IL1RAPL1: variants seen among roughly 807,000 people sequenced by gnomAD.
IL1RAPL1 encodes interleukin 1 receptor accessory protein like 1.
Under a neutral mutation model 48.4 loss-of-function variants are expected in IL1RAPL1, and 3 were observed. The observed-to-expected ratio is 0.06, with a 90% CI of 0.03 to 0.16. The LOEUF (loss-of-function observed/expected upper bound fraction) is 0.16. Among genes scored for constraint, IL1RAPL1 ranks in the 10% least tolerant of loss-of-function variants. The pLI is 1.00. For synonymous variants in IL1RAPL1, 185 were observed against 187.7 expected (o/e 0.99, Z 0.12); for missense variants, 349 against 530.6 (o/e 0.66, Z 3.36).
intron 2 of IL1RAPL1, among the ~76,000 whole-genome samples, chrX:28,811,671 G>A (rs1385800147): frequency 9.0e-6 from 1 of 110,669 alleles, no homozygotes; most frequent in Non-Finnish European, 1.9e-5. Context: ...TAAGCCTGGA[G>A]ATGAATACAA....
At chrX:29,657,642 T>C (rs777698236) in intron 5 of IL1RAPL1, among the ~76,000 whole-genome samples, 1 of 111,950 alleles carries the variant, frequency 8.9e-6, no homozygotes, top group African/African-American at 3.2e-5. Context: ...TGATAAGCAT[T>C]TCTAAATAAC....
chrX:29,174,919 A>C (rs1434174655), intron 2 of IL1RAPL1, among the ~76,000 whole-genome samples: 2 of 109,861 alleles, frequency 1.8e-5, no homozygotes, highest in Non-Finnish European at 3.8e-5. Flanking sequence ...CTAAAAATAC[A>C]AAAAATTAGC....
At chrX:29,332,956 G>C (rs1459597679) in intron 3 of IL1RAPL1, among the ~76,000 whole-genome samples, 1 of 110,442 alleles carries the variant, frequency 9.1e-6, no homozygotes, top group African/African-American at 3.3e-5. Context: ...GAGAGCACAG[G>C]GTTGGGGGTA....
rs185356974 is a variant in IL1RAPL1 at position 29,803,103 on chromosome X, A to G, written c.779-114361A>G. The stretch of plus-strand genomic sequence containing the variant: ...TATATGTGTATATGTATACATGTAT[A>G]CATATATGTATATATGTGTATACAT... On this transcript the variant is annotated intron_variant, in intron 6 of 10. Transcript: ENST00000378993. Among the ~76,000 whole-genome samples the G allele has an allele frequency of 3.8e-3, 343 of 90,129 alleles. 18 individuals carry two copies. Among genetic ancestry groups the G allele is most frequent in the African/African-American group, 0.01 (254 of 25,101 alleles). The allele number at this position is 90,129 out of a possible 115,157, so 78.3% of individuals were successfully genotyped here. A position where few individuals can be genotyped will look rare whatever the true frequency, so the allele number is the denominator to read the frequency against.
At chrX:29,684,893 G>A (rs1332414288) in intron 6 of IL1RAPL1, among the ~76,000 whole-genome samples, 3 of 112,265 alleles carry the variant, frequency 2.7e-5, no homozygotes, top group African/African-American at 9.7e-5. Flanking sequence ...AATAGACAAA[G>A]TGAAACTAAT....
At chrX:28,799,932 C>T (rs1936654538) in intron 2 of IL1RAPL1, among the ~76,000 whole-genome samples, 1 of 111,488 alleles carries the variant, frequency 9.0e-6, no homozygotes, top group South Asian at 3.8e-4. Flanking sequence ...AAGTATTGAG[C>T]TAATGGATTT....
chrX:29,608,517 A>T (rs374797560), intron 5 of IL1RAPL1, among the ~76,000 whole-genome samples: 1 of 111,385 alleles, frequency 9.0e-6, no homozygotes, highest in South Asian at 3.8e-4. Context: ...AAATAATCTC[A>T]AATCAGCTTC....
intron 2 of IL1RAPL1, among the ~76,000 whole-genome samples, chrX:29,080,584 C>A (rs896637854): frequency 6.4e-5 from 7 of 108,952 alleles, no homozygotes. Flanking sequence ...AGGATGGATT[C>A]TAATATAAAT....
In IL1RAPL1 at chrX:28,749,276, C is replaced by A. The variant is rs374243648; in HGVS notation, c.-24-40044C>A. ...ATTTCAGTTCCTTTGGATGTATATACCCAATAGTGGGATGACTGGATCCTA... is the reference window on the plus strand; with the variant it reads ...ATTTCAGTTCCTTTGGATGTATATAACCAATAGTGGGATGACTGGATCCTA... On this transcript the variant is annotated intron_variant, in intron 1 of 10. Transcript: ENST00000378993. Among the ~76,000 whole-genome samples the A allele has an allele frequency of 5.4e-5, 6 of 111,671 alleles. No individual in the cohort carries two copies. The East Asian group carries it at 1.7e-3, about 31-fold the overall frequency.
chrX:29,803,009 A>G (rs1399217925), intron 6 of IL1RAPL1, among the ~76,000 whole-genome samples: 2 of 39,213 alleles, frequency 5.1e-5, no homozygotes, highest in East Asian at 2.7e-3. Context: ...ATGCATATAT[A>G]CATATGTGTA....
chrX:29,711,535 A>G (rs756703722), intron 6 of IL1RAPL1, among the ~76,000 whole-genome samples: 4 of 111,339 alleles, frequency 3.6e-5, no homozygotes, highest in South Asian at 3.8e-4. Context: ...TTCTCTGTAT[A>G]TTTACAGATA....
chrX:29,347,363 G>A (rs1933164122), intron 3 of IL1RAPL1, among the ~76,000 whole-genome samples: 1 of 107,661 alleles, frequency 9.3e-6, no homozygotes, highest in Admixed American at 9.9e-5. Context: ...AACAGTATAT[G>A]GTGATTTTTT....
chrX:28,650,010 C>T (rs1194096844), intron 1 of IL1RAPL1, among the ~76,000 whole-genome samples: 1 of 111,404 alleles, frequency 9.0e-6, no homozygotes. Context: ...TTACTTGGCC[C>T]TCACGTGTAC....
intron 5 of IL1RAPL1, among the ~76,000 whole-genome samples, chrX:29,577,394 C>T: frequency 9.0e-6 from 1 of 111,619 alleles, no homozygotes; most frequent in Non-Finnish European, 1.9e-5. Context: ...ACTCCTCATC[C>T]TCATCCTGCC....
At chrX:29,294,736 A>G (rs957449472) in intron 3 of IL1RAPL1, among the ~76,000 whole-genome samples, 2 of 110,826 alleles carry the variant, frequency 1.8e-5, no homozygotes, top group Non-Finnish European at 3.8e-5. Context: ...CCTGATCTAG[A>G]AAATGCCTTG....
At chrX:29,313,259 G>A (rs1033786881) in intron 3 of IL1RAPL1, among the ~76,000 whole-genome samples, 1 of 80,577 alleles carries the variant, frequency 1.2e-5, no homozygotes, top group Non-Finnish European at 3.0e-5. Context: ...AAGCCTGTGT[G>A]TGTGTGTGTG....
intron 2 of IL1RAPL1, among the ~76,000 whole-genome samples, chrX:29,174,964 C>T: frequency 9.2e-6 from 1 of 108,240 alleles, no homozygotes; most frequent in South Asian, 4.1e-4. Flanking sequence ...GTCCCAGCTA[C>T]TTGGGAGGCT....
intron 2 of IL1RAPL1, among the ~76,000 whole-genome samples, chrX:28,953,309 C>A (rs1017459217): frequency 9.0e-6 from 1 of 110,984 alleles, no homozygotes; most frequent in African/African-American, 3.3e-5. Flanking sequence ...AATAGATTTC[C>A]CTGGGAGAAG....
In IL1RAPL1 at chrX:29,114,703, C is replaced by T. The variant is rs149895139; in HGVS notation, c.83-168235C>T. Among the ~76,000 whole-genome samples the T allele has an allele frequency of 2.6e-4, 29 of 110,851 alleles. No individual in the cohort carries two copies. The East Asian group carries it at 5.7e-3, about 22-fold the overall frequency. Reference sequence around the variant, plus strand: ...AGTGCAGTGGTGTGATCTCTGGGCTCACTGCAACCTCTGCCTTCTGATTTC... The same window carrying T: ...AGTGCAGTGGTGTGATCTCTGGGCTTACTGCAACCTCTGCCTTCTGATTTC... On this transcript the variant is annotated intron_variant, in intron 2 of 10. Coordinates refer to ENST00000378993, the MANE Select transcript of IL1RAPL1 (RefSeq NM_014271.4).
Sources: gnomAD v4.1 joint callset for allele counts (sites outside exome capture counted in the v4.1 genomes callset) on GRCh38, gnomAD v4.1.1 for gene constraint, MANE v1.5 for transcripts, NCBI Gene and HGNC (gene_info 2026-07-23, HGNC 2026-07-21) for gene names.